LINC00632: variants seen among roughly 807,000 people sequenced by gnomAD.
The protein encoded by LINC00632 is long independently transcribed non-coding RNA 632.
intron 1 of LINC00632, chrX:140,711,606 G>T (rs772336756): frequency 3.8e-5 from 12 of 312,842 alleles, no homozygotes; most frequent in African/African-American, 1.1e-4. Flanking sequence ...TGCTTTTCTG[G>T]TTTTTTCTCC....
intron 3 of LINC00632, among the ~76,000 whole-genome samples, chrX:140,746,639 T>TGAAC (rs1931330632): frequency 8.9e-6 from 1 of 112,151 alleles, no homozygotes; most frequent in Non-Finnish European, 1.9e-5. Context: ...CAACACTTCA[T>TGAAC]ACAAGGGCTA....
chrX:140,728,240 C>CAAAA lies in LINC00632; in HGVS notation n.105-5626_105-5623dup, dbSNP rs1200284527. ...GGGCAACAAGAGTGAAACTCTGTCT[C>CAAAA]AAAAAAAAAAAAAAAGAAAGAAAGA... On this transcript the variant is annotated intron_variant and non_coding_transcript_variant, in intron 2 of 4. Coordinates refer to ENST00000648200, the Ensembl canonical transcript of LINC00632. 3.4e-3 allele frequency among the ~76,000 whole-genome samples: 208 copies of CAAAA among 60,676 alleles called. 1 individual carries two copies. Among genetic ancestry groups the CAAAA allele is most frequent in the African/African-American group, 0.011 (194 of 17,438 alleles). 52.7% of individuals were successfully genotyped at this position (60,676 alleles called of 115,157 possible).
chrX:140,734,549 C>T (rs961140004), intron 3 of LINC00632, among the ~76,000 whole-genome samples: 4 of 109,825 alleles, frequency 3.6e-5, no homozygotes, highest in African/African-American at 1.3e-4. Context: ...AATACATTTT[C>T]AATATTTAAA....
At chrX:140,734,838 T>C (rs1200052191) in intron 3 of LINC00632, among the ~76,000 whole-genome samples, 2 of 105,217 alleles carry the variant, frequency 1.9e-5, no homozygotes, top group Non-Finnish European at 3.9e-5. Context: ...TTCACCTCAC[T>C]GTAACCGCCA....
chrX:140,742,839 TAGAGAGAGAGAGAGAGAGAG>T (rs3084215), intron 3 of LINC00632, among the ~76,000 whole-genome samples: 2 of 46,907 alleles, frequency 4.3e-5, no homozygotes, highest in African/African-American at 1.0e-4. Flanking sequence ...TAGAAGGTGA[TAGAGAGAGAGAGAGAGAGAG>T]AGAGAGAGAG....
intron 1 of LINC00632, chrX:140,711,516 C>A: frequency 5.2e-6 from 1 of 192,365 alleles, no homozygotes; most frequent in Admixed American, 7.3e-5. Flanking sequence ...ACTAAATGTC[C>A]AATTATTGAA....
chrX:140,757,628 G>T (rs1323994438), intron 3 of LINC00632, among the ~76,000 whole-genome samples: 1 of 111,294 alleles, frequency 9.0e-6, no homozygotes, highest in Admixed American at 9.6e-5. Context: ...GTGCAGAGGC[G>T]CAATCTCGGC....
chrX:140,788,740 T>A (rs1183023922), exon 5 of LINC00632, among the ~76,000 whole-genome samples: 1 of 76,638 alleles, frequency 1.3e-5, no homozygotes, highest in African/African-American at 4.2e-5. Flanking sequence ...AGATTTCAAA[T>A]CACTTTTTTT....
chrX:140,790,395 T>G (rs1226144428), exon 5 of LINC00632, among the ~76,000 whole-genome samples: 3 of 111,589 alleles, frequency 2.7e-5, no homozygotes, highest in Non-Finnish European at 5.6e-5. Flanking sequence ...TTTTTTTGTT[T>G]CTTTTCTGTT....
intron 3 of LINC00632, among the ~76,000 whole-genome samples, chrX:140,752,489 T>C (rs781036098): frequency 6.6e-4 from 74 of 112,022 alleles, no homozygotes; most frequent in Non-Finnish European, 1.1e-3. Flanking sequence ...TCCCTGGCTT[T>C]CTCTGTGTGA....
intron 3 of LINC00632, among the ~76,000 whole-genome samples, chrX:140,762,645 A>T (rs186485591): frequency 8.6e-4 from 96 of 112,247 alleles, no homozygotes; most frequent in African/African-American, 2.9e-3. Flanking sequence ...GTGAGGGTTA[A>T]ATGGTTTATG....
At chrX:140,738,226 T>C (rs964412782) in intron 3 of LINC00632, among the ~76,000 whole-genome samples, 1 of 111,826 alleles carries the variant, frequency 8.9e-6, no homozygotes, top group Non-Finnish European at 1.9e-5. Flanking sequence ...TTAGGTAGAT[T>C]CATTTTAAGA....
At chrX:140,789,051 A>G (rs1175650567) in exon 5 of LINC00632, among the ~76,000 whole-genome samples, 1 of 107,974 alleles carries the variant, frequency 9.3e-6, no homozygotes, top group African/African-American at 3.3e-5. Context: ...AATCCTATCT[A>G]TCTCCCAGAG....
At chrX:140,747,479 G>C (rs1448271573) in intron 3 of LINC00632, among the ~76,000 whole-genome samples, 1 of 102,412 alleles carries the variant, frequency 9.8e-6, no homozygotes, top group Non-Finnish European at 2.0e-5. Flanking sequence ...GCAGTGAGCT[G>C]AGATCGCGCC....
chrX:140,734,095 T>G (rs2148386227), intron 3 of LINC00632: 1 of 112,412 alleles, frequency 8.9e-6, no homozygotes, highest in East Asian at 2.8e-4. Context: ...ATGTAGAAAT[T>G]TTTAAAAAGT....
exon 5 of LINC00632, chrX:140,784,399 A>G (rs982405063): frequency 3.4e-5 from 41 of 1,195,420 alleles, no homozygotes; most frequent in Non-Finnish European, 4.4e-5. Flanking sequence ...TCCAGAAAAT[A>G]TATGTCTTCC....
intron 2 of LINC00632, chrX:140,716,032 C>T (rs924882861): frequency 8.9e-6 from 1 of 112,603 alleles, no homozygotes; most frequent in African/African-American, 3.2e-5. Context: ...CATCATAACA[C>T]AGACTTACTC....
chrX:140,782,714 T>C (rs1931951591), exon 5 of LINC00632: 1 of 111,605 alleles, frequency 9.0e-6, no homozygotes, highest in Admixed American at 9.6e-5. Flanking sequence ...ATTCCTCCAA[T>C]GCCCAAGTCT....
intron 3 of LINC00632, among the ~76,000 whole-genome samples, chrX:140,737,208 A>G (rs1931159124): frequency 9.0e-6 from 1 of 111,450 alleles, no homozygotes; most frequent in South Asian, 3.8e-4. Flanking sequence ...CTGAGGATTG[A>G]TTTTAATTGG....
Sources: allele counts gnomAD v4.1 joint callset (sites outside exome capture counted in the v4.1 genomes callset), GRCh38; gene constraint gnomAD v4.1.1; transcripts MANE v1.5; gene names NCBI Gene and HGNC (gene_info 2026-07-23, HGNC 2026-07-21).